The following SSH2 variants were observed in gnomAD, a reference collection of about 807,000 sequenced individuals.
SSH2 encodes protein phosphatase Slingshot homolog 2.
SSH2 carries 37 observed loss-of-function variants against 135.2 expected under a neutral mutation model. The observed-to-expected ratio is 0.27, with a 90% CI of 0.21 to 0.36. SSH2 has a LOEUF of 0.36. Ranked by LOEUF, SSH2 falls within the 10% of genes least tolerant of loss-of-function variation. The pLI is 1.00. For missense variants in SSH2, 1,408 were observed against 1,765.3 expected (o/e 0.80, Z 3.63); for synonymous variants, 628 against 646.2 (o/e 0.97, Z 0.43).
chr17:29,721,444 T>C (rs2039820639), intron 3 of SSH2, among the ~76,000 whole-genome samples: 1 of 152,134 alleles, frequency 6.6e-6, no homozygotes, highest in Admixed American at 6.5e-5. Flanking sequence ...GGAAAAACTT[T>C]TAACCACCGG....
chr17:29,686,588 TC>T (rs1702372790), intron 5 of SSH2, among the ~76,000 whole-genome samples: 1 of 151,724 alleles, frequency 6.6e-6, no homozygotes, highest in African/African-American at 2.4e-5. Flanking sequence ...CAGGCTGGTC[TC>T]GAACTCTGAA....
chr17:29,761,576 T>C, intron 3 of SSH2: 3 of 308,962 alleles, frequency 9.7e-6, no homozygotes, highest in Non-Finnish European at 1.4e-5. Context: ...TCACAGCCTT[T>C]AGGGCATCCG....
At chr17:29,668,993 A>G (rs2037383338) in intron 9 of SSH2, among the ~76,000 whole-genome samples, 1 of 152,028 alleles carries the variant, frequency 6.6e-6, no homozygotes, top group African/African-American at 2.4e-5. Context: ...TCACACCTAT[A>G]ATCCCAGCAC....
chr17:29,834,512 T>A (rs1246562664), intron 2 of SSH2, among the ~76,000 whole-genome samples: 1 of 152,148 alleles, frequency 6.6e-6, no homozygotes, highest in Admixed American at 6.5e-5. Flanking sequence ...TAGCTCTTTG[T>A]CATGTGTTGA....
chr17:29,883,471 T>C (rs974355120), intron 1 of SSH2, among the ~76,000 whole-genome samples: 1 of 152,208 alleles, frequency 6.6e-6, no homozygotes, highest in African/African-American at 2.4e-5. Flanking sequence ...TAGTCTTAAC[T>C]ATACATGACA....
Position 29,629,658 on chromosome 17 carries a change from A to C in SSH2, c.*1183T>G, listed in dbSNP as rs145559227. On this transcript the variant is annotated 3_prime_UTR_variant, in exon 16 of 16. Transcript: ENST00000540801. ...CACTAAGACAGTGACAATATTATGT[A>C]CATAAATACTGTGTACAAACTTTAG... 1,469 of 152,814 alleles carry C rather than the reference A, an allele frequency of 9.6e-3. 16 individuals carry two copies. The highest frequency in any genetic ancestry group is 0.013 in the Non-Finnish European group (890 of 68,040). 9.5% of individuals were successfully genotyped at this position (152,814 alleles called of 1,614,324 possible).
At chr17:29,781,314 T>C (rs1226099026) in intron 3 of SSH2, among the ~76,000 whole-genome samples, 2 of 152,096 alleles carry the variant, frequency 1.3e-5, no homozygotes, top group African/African-American at 4.8e-5. Context: ...GATGAAGTCC[T>C]ATCTCAAAGA....
chr17:29,816,097 C>A (rs1276590605), intron 2 of SSH2, among the ~76,000 whole-genome samples: 1 of 152,112 alleles, frequency 6.6e-6, no homozygotes, highest in Non-Finnish European at 1.5e-5. Flanking sequence ...GATCCACCCA[C>A]CTCAGCCTCC....
At chr17:29,886,239 A>G (rs532924492) in intron 1 of SSH2, among the ~76,000 whole-genome samples, 7 of 152,304 alleles carry the variant, frequency 4.6e-5, no homozygotes, top group African/African-American at 1.7e-4. Flanking sequence ...AGCGATATGG[A>G]CAATAAGGTC....
chr17:29,741,608 CTCCTTT>C (rs1403148191), intron 3 of SSH2, among the ~76,000 whole-genome samples: 5 of 121,052 alleles, frequency 4.1e-5, no homozygotes, highest in African/African-American at 1.7e-4. Flanking sequence ...AACAATCCCC[CTCCTTT>C]TTTTTTTTTT....
At chr17:29,865,260 CACA>C (rs1347246651) in intron 1 of SSH2, among the ~76,000 whole-genome samples, 3 of 152,190 alleles carry the variant, frequency 2.0e-5, no homozygotes, top group Non-Finnish European at 2.9e-5. Context: ...ATTGATACAG[CACA>C]ACAATTAAAT....
At chr17:29,658,867 C>CAAAAAAAAAAA (rs541052752) in intron 11 of SSH2, among the ~76,000 whole-genome samples, 33 of 33,372 alleles carry the variant, frequency 9.9e-4, no homozygotes, top group Non-Finnish European at 1.2e-3. Context: ...AACTCCGTCT[C>CAAAAAAAAAAA]AAAAAAAAAA....
chr17:29,677,861 T>A (rs971580698), intron 6 of SSH2, 120 bp from the exon 7 acceptor site: 1 of 720,914 alleles, frequency 1.4e-6, no homozygotes. Context: ...GCATAAGTGT[T>A]ACAATGAAGA....
At chr17:29,670,690 C>A (rs1268409960) in intron 9 of SSH2, among the ~76,000 whole-genome samples, 1 of 152,144 alleles carries the variant, frequency 6.6e-6, no homozygotes, top group African/African-American at 2.4e-5. Context: ...AGGAGAATTG[C>A]TTGAACCCGG....
At chr17:29,642,269 C>G (rs992892023) in intron 14 of SSH2, among the ~76,000 whole-genome samples, 7 of 152,100 alleles carry the variant, frequency 4.6e-5, no homozygotes, top group Non-Finnish European at 1.0e-4. Context: ...GGGTAAAAGA[C>G]AACCCTGCCT....
At chr17:29,822,279 GAA>G (rs2042667046) in intron 2 of SSH2, among the ~76,000 whole-genome samples, 1 of 152,074 alleles carries the variant, frequency 6.6e-6, no homozygotes. Flanking sequence ...TTTAAGATAT[GAA>G]AAGATATTTC....
chr17:29,750,333 G>C (rs2040890159), intron 3 of SSH2, among the ~76,000 whole-genome samples: 2 of 150,778 alleles, frequency 1.3e-5, no homozygotes, highest in African/African-American at 4.9e-5. Context: ...CAGCTACTTG[G>C]AAGGCTGAGG....
chr17:29,714,490 C>T (rs952109692), intron 3 of SSH2, among the ~76,000 whole-genome samples: 3 of 152,130 alleles, frequency 2.0e-5, no homozygotes, highest in Admixed American at 2.0e-4. Context: ...CTAAGGTCAT[C>T]TTCTGTTCTT....
chr17:29,677,012 C>T (rs1355720368), intron 7 of SSH2, 127 bp from the exon 8 acceptor site: 7 of 735,852 alleles, frequency 9.5e-6, no homozygotes, highest in South Asian at 3.3e-5. Context: ...AGGCATTTCA[C>T]GTAGAAGTTT....
Sources: gnomAD v4.1 joint callset for allele counts (sites outside exome capture counted in the v4.1 genomes callset) on GRCh38, gnomAD v4.1.1 for gene constraint, MANE v1.5 for transcripts, NCBI Gene and HGNC (gene_info 2026-07-23, HGNC 2026-07-21) for gene names.